RBFOX1: variants seen among roughly 807,000 people sequenced by gnomAD.
RBFOX1 encodes RNA binding protein fox-1 homolog 1.
A neutral mutation model predicts 57.7 loss-of-function variants in RBFOX1; 8 were observed. The observed-to-expected ratio is 0.14, with a 90% CI of 0.08 to 0.25. The LOEUF (loss-of-function observed/expected upper bound fraction) is 0.25, where lower values mean the gene tolerates loss of function less well. Among genes scored for constraint, RBFOX1 ranks in the 10% least tolerant of loss-of-function variants. The pLI is 1.00. For synonymous variants in RBFOX1, 326 were observed against 222.4 expected, an observed-to-expected ratio of 1.47 and a Z score of -4.15; for missense variants, 611 against 548.5, an observed-to-expected ratio of 1.11 and a Z score of -1.14.
chr16:6,767,266 T>A (rs1480122662), intron 3 of RBFOX1, among the ~76,000 whole-genome samples: 1 of 151,808 alleles, frequency 6.6e-6, no homozygotes, highest in Non-Finnish European at 1.5e-5. Flanking sequence ...GGCTCAAGTC[T>A]CTCCAAGGAG....
chr16:5,666,609 C>A (rs2049852766), intron 3 of RBFOX1, among the ~76,000 whole-genome samples: 1 of 152,168 alleles, frequency 6.6e-6, no homozygotes, highest in Non-Finnish European at 1.5e-5. Flanking sequence ...GTGATAGAAT[C>A]CACAGAAGAA....
At chr16:5,991,395 G>A (rs61123465) in intron 4 of RBFOX1, among the ~76,000 whole-genome samples, 1,972 of 152,306 alleles carry the variant, frequency 0.013, 50 homozygotes, top group African/African-American at 0.045. Flanking sequence ...GCCGTGGGCT[G>A]TGAGCACGTA....
At chr16:7,418,657 G>A (rs1215399703) in intron 4 of RBFOX1, among the ~76,000 whole-genome samples, 3 of 152,156 alleles carry the variant, frequency 2.0e-5, no homozygotes, top group Admixed American at 6.5e-5. Flanking sequence ...CTTAGATATT[G>A]AAGAATTTTT....
chr16:6,260,917 A>G (rs954415721), intron 1 of RBFOX1, among the ~76,000 whole-genome samples: 4 of 151,966 alleles, frequency 2.6e-5, no homozygotes, highest in African/African-American at 9.7e-5. Flanking sequence ...GAAAGCATGC[A>G]CTCTTTGAGA....
At chr16:6,118,526 T>C (rs376001128) in intron 1 of RBFOX1, among the ~76,000 whole-genome samples, 3 of 152,218 alleles carry the variant, frequency 2.0e-5, no homozygotes, top group South Asian at 2.1e-4. Flanking sequence ...TGGCTGCTGC[T>C]GCCGCCGCCT....
intron 1 of RBFOX1, among the ~76,000 whole-genome samples, chr16:5,464,506 G>A (rs78931454): frequency 1.3e-5 from 2 of 152,252 alleles, no homozygotes; most frequent in South Asian, 2.1e-4. Flanking sequence ...AGGGAACCCA[G>A]GCACTGAGGA....
intron 2 of RBFOX1, among the ~76,000 whole-genome samples, chr16:6,378,626 C>T (rs1449181473): frequency 6.6e-6 from 1 of 152,160 alleles, no homozygotes; most frequent in South Asian, 2.1e-4. Flanking sequence ...TGTCCACTCC[C>T]TAGTCCTCAA....
chr16:7,180,845 C>G (rs1000300598), intron 4 of RBFOX1, among the ~76,000 whole-genome samples: 6 of 152,230 alleles, frequency 3.9e-5, no homozygotes, highest in African/African-American at 1.4e-4. Flanking sequence ...GGATTTTATG[C>G]TTAAAGCTCA....
At chr16:6,792,384 A>G (rs913564052) in intron 3 of RBFOX1, among the ~76,000 whole-genome samples, 1 of 152,324 alleles carries the variant, frequency 6.6e-6, no homozygotes, top group Admixed American at 6.5e-5. Flanking sequence ...TTTATGCAGA[A>G]TTATGCATTT....
chr16:5,619,498 A>G (rs1341581165), intron 3 of RBFOX1, among the ~76,000 whole-genome samples: 1 of 152,186 alleles, frequency 6.6e-6, no homozygotes, highest in African/African-American at 2.4e-5. Context: ...CAGGTTGTTA[A>G]CAGGGAGCGA....
chr16:7,190,792 C>G (rs1161863348), intron 4 of RBFOX1, among the ~76,000 whole-genome samples: 1 of 152,128 alleles, frequency 6.6e-6, no homozygotes, highest in African/African-American at 2.4e-5. Context: ...CTCATATTCG[C>G]CATTTCAGTC....
At chr16:5,317,588 G>A (rs911038752) in intron 1 of RBFOX1, among the ~76,000 whole-genome samples, 2 of 152,150 alleles carry the variant, frequency 1.3e-5, no homozygotes, top group Admixed American at 6.5e-5. Flanking sequence ...CAGCCTGGGC[G>A]AAAGACTGAG....
At chr16:6,906,552 G>T (rs941804338) in intron 3 of RBFOX1, among the ~76,000 whole-genome samples, 7 of 152,070 alleles carry the variant, frequency 4.6e-5, no homozygotes, top group African/African-American at 1.7e-4. Context: ...TTATGGTTTT[G>T]TTCTTTGTCA....
chr16:5,330,703 C>A (rs1226450030), intron 1 of RBFOX1, among the ~76,000 whole-genome samples: 1 of 150,452 alleles, frequency 6.6e-6, no homozygotes, highest in South Asian at 2.1e-4. Context: ...GTTTGCCCAG[C>A]CTACTTTTTT....
At chr16:6,311,064 A>C (rs1442947363) in intron 1 of RBFOX1, among the ~76,000 whole-genome samples, 1 of 152,122 alleles carries the variant, frequency 6.6e-6, no homozygotes, top group Non-Finnish European at 1.5e-5. Flanking sequence ...TGGGAGGCCA[A>C]GGCGGGCAAA....
At chr16:7,158,451 G>C (rs1381943111) in intron 4 of RBFOX1, among the ~76,000 whole-genome samples, 1 of 152,158 alleles carries the variant, frequency 6.6e-6, no homozygotes, top group East Asian at 1.9e-4. Context: ...ACCACCTACT[G>C]ATGCAATCTC....
intron 1 of RBFOX1, among the ~76,000 whole-genome samples, chr16:6,267,510 T>C (rs2074668573): frequency 6.6e-6 from 1 of 152,186 alleles, no homozygotes. Flanking sequence ...ATCCAGTTGA[T>C]TCCTTTGTGA....
At chr16:5,393,668 T>C (rs1291142298) in intron 1 of RBFOX1, among the ~76,000 whole-genome samples, 1 of 152,128 alleles carries the variant, frequency 6.6e-6, no homozygotes, top group Non-Finnish European at 1.5e-5. Flanking sequence ...AAAAAGGAGG[T>C]GTTCTGTGTT....
intron 4 of RBFOX1, among the ~76,000 whole-genome samples, chr16:7,417,371 T>TAAAAA (rs1417258726): frequency 3.4e-5 from 1 of 29,026 alleles, no homozygotes; most frequent in African/African-American, 1.3e-4. Context: ...AGACTCTGTG[T>TAAAAA]CAAAGAAAAA....
Sources: allele counts gnomAD v4.1 joint callset (sites outside exome capture counted in the v4.1 genomes callset), GRCh38; gene constraint gnomAD v4.1.1; transcripts MANE v1.5; gene names NCBI Gene and HGNC (gene_info 2026-07-23, HGNC 2026-07-21).